The following MAOA variants were observed in gnomAD, a reference collection of about 807,000 sequenced individuals.
MAOA encodes the protein monoamine oxidase A, also known as amine oxidase [flavin-containing] A.
MAOA carries 6 observed loss-of-function variants against 42.0 expected under a neutral mutation model. That is an observed-to-expected ratio of 0.14 (90% CI 0.08 to 0.28). The LOEUF (loss-of-function observed/expected upper bound fraction) is 0.28. Among genes scored for constraint, MAOA ranks in the 10% least tolerant of loss-of-function variants. MAOA has a pLI of 1.00. For missense variants in MAOA, 262 were observed against 422.3 expected, an observed-to-expected ratio of 0.62 and a Z score of 3.33; for synonymous variants, 140 against 154.0, an observed-to-expected ratio of 0.91 and a Z score of 0.67.
intron 1 of MAOA, among the ~76,000 whole-genome samples, chrX:43,674,958 G>A (rs1443039847): frequency 9.0e-6 from 1 of 111,330 alleles, no homozygotes; most frequent in Non-Finnish European, 1.9e-5. Flanking sequence ...TATCTTTGTG[G>A]TGTTCTCTGT....
At chrX:43,702,660 G>A (rs1011072828) in intron 3 of MAOA, among the ~76,000 whole-genome samples, 5 of 111,933 alleles carry the variant, frequency 4.5e-5, no homozygotes, top group East Asian at 2.8e-4. Flanking sequence ...AAACTGAATC[G>A]TTTTCATTCA....
chrX:43,727,852 A>G (rs1213636592), intron 5 of MAOA, among the ~76,000 whole-genome samples: 2 of 111,968 alleles, frequency 1.8e-5, no homozygotes, highest in African/African-American at 6.5e-5. Context: ...CAATGAGATG[A>G]ACCAGGTACC....
Position 43,712,843 on chromosome X carries a change from C to T in MAOA, c.503+47C>T, listed in dbSNP as rs191523983. The T allele has an allele frequency of 3.7e-3, 3,361 of 915,540 alleles. 11 individuals are homozygous for T. Among genetic ancestry groups the T allele is most frequent in the South Asian group, 0.015 (751 of 48,969 alleles). The allele number at this position is 915,540 out of a possible 1,213,427, so 75.5% of individuals were successfully genotyped here. On this transcript the variant is annotated intron_variant, in intron 5 of 14. Coordinates refer to ENST00000338702, the MANE Select transcript of MAOA (RefSeq NM_000240.4). ...AAATTTACTTTTTATCTTCCCTTCT[C>T]GTCTTTTATATCTTGCCTTGAACTG...
At chrX:43,656,447 C>A (rs367728528) in intron 1 of MAOA, 33 bp downstream of exon 1, 9 of 1,161,295 alleles carry the variant, frequency 7.7e-6, no homozygotes, top group Non-Finnish European at 1.1e-5. Context: ...GCCTGGGGGA[C>A]CCTGGCCAGT....
intron 1 of MAOA, among the ~76,000 whole-genome samples, chrX:43,671,578 C>T (rs1279300405): frequency 9.4e-6 from 1 of 106,226 alleles, no homozygotes; most frequent in Non-Finnish European, 1.9e-5. Context: ...GGTTTTAGGT[C>T]TAACGTTTAA....
At chrX:43,669,922 T>A (rs1481206847) in intron 1 of MAOA, among the ~76,000 whole-genome samples, 7 of 111,775 alleles carry the variant, frequency 6.3e-5, no homozygotes, top group African/African-American at 2.3e-4. Flanking sequence ...AAACACAGAT[T>A]TAGAGAAATA....
intron 5 of MAOA, among the ~76,000 whole-genome samples, chrX:43,717,098 T>TG (rs1453582991): frequency 3.7e-5 from 4 of 109,308 alleles, no homozygotes; most frequent in African/African-American, 6.7e-5. Flanking sequence ...TGAGTGATGG[T>TG]GGGGGGAAAT....
rs1165469426 is a variant in MAOA at position 43,732,765 on chromosome X, A to G, written c.1022A>G (p.Lys341Arg). The G allele has an allele frequency of 1.7e-6, 2 of 1,206,351 alleles. No individual in the cohort carries two copies. Among genetic ancestry groups the G allele is most frequent in the African/African-American group, 3.5e-5 (2 of 56,946 alleles). Residue 341 changes from lysine (K) to arginine (R), a missense_variant, in exon 9 of 15, where the codon AAG becomes AGG. By Grantham distance (26) the Lys-to-Arg change is conservative. Around this residue, in one of 3 missense-constraint regions of MAOA, gnomAD observed 86 missense variants for 190.3 expected, o/e 0.45. Coordinates refer to ENST00000338702, the MANE Select transcript of MAOA (RefSeq NM_000240.4). The stretch of plus-strand genomic sequence containing the variant: ...ATTTCAATAACCTTGGATGACACCA[A>G]GCCAGATGGGTCACTGCCTGCCATC... ...APISITLDDTKPDGSLPAIMG... is the reference protein window; with the variant it reads ...APISITLDDTRPDGSLPAIMG...
At position 43,696,667 on chromosome X, in the gene MAOA, C is replaced by T. The variant is rs373417902; in HGVS notation, c.306+3239C>T. Among the ~76,000 whole-genome samples the T allele has an allele frequency of 3.2e-3, 342 of 105,267 alleles. 1 individual carries two copies. Among genetic ancestry groups the T allele is most frequent in the Middle Eastern group, 0.014 (3 of 210 alleles). 91.4% of individuals were successfully genotyped at this position (105,267 alleles called of 115,157 possible). ...AGGACAATGGCGTGAACCTGGGAGG[C>T]GGAGTTTGCAGCGAGCCACGATTGC... is the stretch of plus-strand genomic sequence containing the variant. On this transcript the variant is annotated intron_variant, in intron 3 of 14. Transcript: ENST00000338702.
In MAOA at chrX:43,728,234, G is replaced by T. The variant is rs142659522; in HGVS notation, c.565G>T (p.Val189Leu). Residue 189 changes from valine (V) to leucine (L), a missense_variant, in exon 6 of 15, where the codon GTG (valine) becomes TTG (leucine). Val to Leu is a conservative substitution (Grantham distance 32). Transcript: ENST00000338702. ...CAATGTGACCTCTGAGCCTCACGAA[G>T]TGTCTGCCCTGTGGTTCTTGTGGTA... ...NINVTSEPHE[V>L]SALWFLWYVK... 19 of 1,208,346 alleles carry T rather than the reference G, an allele frequency of 1.6e-5. No individual in the cohort carries two copies. In the African/African-American group the frequency reaches 2.8e-4, roughly 18 times the overall value.
chrX:43,723,986 T>G (rs182606386), intron 5 of MAOA, among the ~76,000 whole-genome samples: 4 of 111,590 alleles, frequency 3.6e-5, no homozygotes, highest in African/African-American at 1.3e-4. Flanking sequence ...TTACGTTTAT[T>G]GATTTGTATA....
At chrX:43,670,717 G>A (rs941038964) in intron 1 of MAOA, among the ~76,000 whole-genome samples, 2 of 105,629 alleles carry the variant, frequency 1.9e-5, no homozygotes, top group Admixed American at 1.0e-4. Context: ...TTGTCCTTGC[G>A]ATAGTTTACT....
At chrX:43,715,038 G>A (rs1386061507) in intron 5 of MAOA, among the ~76,000 whole-genome samples, 1 of 110,919 alleles carries the variant, frequency 9.0e-6, no homozygotes, top group African/African-American at 3.3e-5. Flanking sequence ...AGGGCAAGGG[G>A]TAGATACAAA....
At chrX:43,676,621 A>G (rs1271468144) in intron 1 of MAOA, among the ~76,000 whole-genome samples, 1 of 111,797 alleles carries the variant, frequency 8.9e-6, no homozygotes, top group Non-Finnish European at 1.9e-5. Context: ...TATAAACTCT[A>G]TTCATTCATT....
At chrX:43,678,973 A>G (rs2033422155) in intron 1 of MAOA, among the ~76,000 whole-genome samples, 1 of 112,011 alleles carries the variant, frequency 8.9e-6, no homozygotes, top group Non-Finnish European at 1.9e-5. Context: ...CCATTTATTC[A>G]GCATCTTAGA....
intron 1 of MAOA, among the ~76,000 whole-genome samples, chrX:43,657,219 CTG>C (rs1450395133): frequency 3.8e-5 from 3 of 78,181 alleles, no homozygotes; most frequent in African/African-American, 1.8e-4. Context: ...TATATATGAA[CTG>C]TGTTTATATA....
At position 43,666,269 on chromosome X, in the gene MAOA, A is replaced by G. The variant is rs774221064; in HGVS notation, c.73+9855A>G. Among the ~76,000 whole-genome samples the G allele has an allele frequency of 4.5e-5, 5 of 112,144 alleles. No individual in the cohort carries two copies. The East Asian group carries it at 1.1e-3, about 25-fold the overall frequency. On this transcript the variant is annotated intron_variant, in intron 1 of 14. Transcript: ENST00000338702. ...TATGCATCTCAAGATTAATGCATCTAAAACAAGACACTTGATATTTCCCCA... is the reference window on the plus strand; with the variant it reads ...TATGCATCTCAAGATTAATGCATCTGAAACAAGACACTTGATATTTCCCCA...
At chrX:43,703,936 A>G (rs989574354) in intron 3 of MAOA, among the ~76,000 whole-genome samples, 1 of 111,957 alleles carries the variant, frequency 8.9e-6, no homozygotes, top group Non-Finnish European at 1.9e-5. Context: ...CAAATTACCA[A>G]AACTACTCGG....
At chrX:43,674,499 C>A in intron 1 of MAOA, among the ~76,000 whole-genome samples, 1 of 110,101 alleles carries the variant, frequency 9.1e-6, no homozygotes, top group Non-Finnish European at 1.9e-5. Context: ...ATGATGTTAG[C>A]TGGTTATTTT....
Sources: gnomAD v4.1 joint callset for allele counts (sites outside exome capture counted in the v4.1 genomes callset) on GRCh38, gnomAD v4.1.1 for gene constraint, gnomAD v4.1.1 regional missense constraint, MANE v1.5 for transcripts, NCBI Gene and HGNC (gene_info 2026-07-23, HGNC 2026-07-21) for gene names.